Variants in EPHA3 observed in about 807,000 individuals in gnomAD.
EPHA3 encodes ephrin type-A receptor 3.
In EPHA3, 42 loss-of-function variants were observed where a neutral mutation model predicts 107.1. The ratio of observed to expected loss-of-function variants is 0.39; its 90% CI spans 0.31 to 0.51. EPHA3 has a LOEUF of 0.51. Ranked by LOEUF, EPHA3 falls within the 20% of genes least tolerant of loss-of-function variation. The pLI is 0.78. For missense variants in EPHA3, 1,183 were observed against 1,211.2 expected (o/e 0.98, Z 0.35); for synonymous variants, 461 against 424.8 (o/e 1.09, Z -1.05).
At chr3:89,427,539 C>G (rs1345221287) in intron 11 of EPHA3, among the ~76,000 whole-genome samples, 2 of 151,866 alleles carry the variant, frequency 1.3e-5, no homozygotes, top group East Asian at 3.9e-4. Flanking sequence ...CTCACGTCTT[C>G]TGGACTTGGA....
intron 2 of EPHA3, among the ~76,000 whole-genome samples, chr3:89,192,587 T>C (rs1200420985): frequency 2.0e-5 from 3 of 152,048 alleles, no homozygotes; most frequent in South Asian, 2.1e-4. Context: ...GAATACACAA[T>C]TGACCAAAAT....
intron 12 of EPHA3, among the ~76,000 whole-genome samples, chr3:89,430,465 T>A (rs1309045255): frequency 6.6e-6 from 1 of 152,138 alleles, no homozygotes; most frequent in African/African-American, 2.4e-5. Context: ...AATATTATGA[T>A]AAATATTCTT....
At chr3:89,477,416 T>C (rs1257702603) in intron 16 of EPHA3, among the ~76,000 whole-genome samples, 2 of 152,178 alleles carry the variant, frequency 1.3e-5, no homozygotes, top group Admixed American at 6.5e-5. Context: ...AGGAATTCAG[T>C]AGAGTCTCGG....
chr3:89,213,736 G>A (rs1411286270), intron 3 of EPHA3, among the ~76,000 whole-genome samples: 1 of 151,920 alleles, frequency 6.6e-6, no homozygotes, highest in Non-Finnish European at 1.5e-5. Flanking sequence ...TTTTGTAGAT[G>A]CTGAAATAAA....
intron 14 of EPHA3, 61 bp from the exon 15 acceptor site, chr3:89,450,116 G>A (rs972570352): frequency 1.1e-4 from 153 of 1,405,164 alleles, no homozygotes; most frequent in Admixed American, 1.7e-4. Context: ...CCATGAAAAC[G>A]TAAACTAAGT....
intron 5 of EPHA3, among the ~76,000 whole-genome samples, chr3:89,367,713 T>G (rs749794845): frequency 1.3e-5 from 2 of 150,806 alleles, no homozygotes; most frequent in Non-Finnish European, 3.0e-5. Flanking sequence ...TCCAGGATAT[T>G]TTGAAAATTT....
At chr3:89,431,076 A>T (rs1239210024) in intron 12 of EPHA3, 74 bp from the exon 13 acceptor site, 3 of 1,463,254 alleles carry the variant, frequency 2.1e-6, no homozygotes, top group Non-Finnish European at 2.8e-6. Context: ...TCAATATGTG[A>T]GATTTTAACC....
intron 3 of EPHA3, among the ~76,000 whole-genome samples, chr3:89,301,963 A>G (rs952698385): frequency 3.3e-5 from 5 of 152,144 alleles, no homozygotes; most frequent in African/African-American, 1.2e-4. Context: ...TCAAGTAAAG[A>G]AGGGAAAATA....
intron 2 of EPHA3, among the ~76,000 whole-genome samples, chr3:89,193,751 C>G (rs12497213): frequency 0.14 from 21,959 of 151,864 alleles, 1,753 homozygotes; most frequent in African/African-American, 0.22. Context: ...GAATAAACTA[C>G]TTTTTTAGAA....
chr3:89,241,725 A>C (rs1477773394), intron 3 of EPHA3, among the ~76,000 whole-genome samples: 2 of 152,206 alleles, frequency 1.3e-5, no homozygotes, highest in African/African-American at 4.8e-5. Context: ...TTTTAAGAGA[A>C]TGCAACGTAC....
intron 3 of EPHA3, among the ~76,000 whole-genome samples, chr3:89,221,314 T>C (rs959180574): frequency 3.3e-5 from 5 of 152,218 alleles, no homozygotes; most frequent in African/African-American, 1.2e-4. Context: ...TTCCTTAAGC[T>C]ATTCACTTGT....
In EPHA3 at chr3:89,274,387, A is replaced by G. The variant is rs114799621; in HGVS notation, c.814+63867A>G. On this transcript the variant is annotated intron_variant, in intron 3 of 16. Coordinates refer to ENST00000336596, the MANE Select transcript of EPHA3 (RefSeq NM_005233.6). ...ACTTTATGAATATTGCAAACACTCA[A>G]ACATTAACTGACTGAACTAAGTAAT... 9.2e-3 allele frequency among the ~76,000 whole-genome samples: 1,401 copies of G among 152,058 alleles called. 24 individuals are homozygous for G. Among genetic ancestry groups the G allele is most frequent in the African/African-American group, 0.032 (1,342 of 41,520 alleles).
chr3:89,432,566 A>G (rs1173861269), intron 13 of EPHA3, among the ~76,000 whole-genome samples: 1 of 152,082 alleles, frequency 6.6e-6, no homozygotes, highest in Non-Finnish European at 1.5e-5. Context: ...CACCAGCCCC[A>G]GCTAATTTTT....
rs186040637 is a variant in EPHA3, at chr3:89,391,552, C to G, written c.1307-4285C>G. Among the ~76,000 whole-genome samples the G allele has an allele frequency of 7.1e-4, 107 of 150,934 alleles. 2 individuals carry two copies. In the East Asian group the frequency reaches 0.02, roughly 28 times the overall value. On this transcript the variant is annotated intron_variant, in intron 5 of 16. Transcript: ENST00000336596. Reference sequence around the variant, plus strand: ...ACGCCATTCTCCTGCCTCAGCCTCCCGAATAGCTGGGACTATAGGTGCCCG... The same window carrying G: ...ACGCCATTCTCCTGCCTCAGCCTCCGGAATAGCTGGGACTATAGGTGCCCG...
At chr3:89,136,900 C>T (rs1459697998) in intron 2 of EPHA3, among the ~76,000 whole-genome samples, 1 of 151,762 alleles carries the variant, frequency 6.6e-6, no homozygotes, top group Non-Finnish European at 1.5e-5. Flanking sequence ...CAAAATTCTG[C>T]TTCTGCTAGT....
intron 5 of EPHA3, among the ~76,000 whole-genome samples, chr3:89,370,240 A>C (rs1368556185): frequency 6.8e-6 from 1 of 147,228 alleles, no homozygotes; most frequent in Non-Finnish European, 1.5e-5. Context: ...CACCATAGCA[A>C]AGACTTGGAA....
At chr3:89,138,013 A>G (rs1030450282) in intron 2 of EPHA3, among the ~76,000 whole-genome samples, 1 of 151,768 alleles carries the variant, frequency 6.6e-6, no homozygotes, top group Non-Finnish European at 1.5e-5. Context: ...GATGCTACTC[A>G]AGTTTGGGGA....
chr3:89,287,128 A>G (rs144228242), intron 3 of EPHA3, among the ~76,000 whole-genome samples: 6 of 152,290 alleles, frequency 3.9e-5, no homozygotes, highest in Non-Finnish European at 5.9e-5. Context: ...AAAACATTTC[A>G]AGCTGCAGAA....
Position 89,466,605 on chromosome 3 carries a change from C to A in EPHA3, c.2691-5859C>A, listed in dbSNP as rs1191500001. On this transcript the variant is annotated intron_variant, in intron 15 of 16. Transcript: ENST00000336596. ...AGTGACCCGATTTTCCAGGTGCGTC[C>A]GTCACCCCTTTCTTTGACTCGGAAA... 1.0e-4 allele frequency among the ~76,000 whole-genome samples: 13 copies of A among 128,510 alleles called. 3 individuals carry two copies. Among genetic ancestry groups the A allele is most frequent in the African/African-American group, 3.8e-4 (13 of 33,770 alleles). 84.3% of individuals were successfully genotyped at this position (128,510 alleles called of 152,430 possible).
Sources: gnomAD v4.1 joint callset for allele counts (sites outside exome capture counted in the v4.1 genomes callset) on GRCh38, gnomAD v4.1.1 for gene constraint, MANE v1.5 for transcripts, NCBI Gene and HGNC (gene_info 2026-07-23, HGNC 2026-07-21) for gene names.